SYT16: variants seen among roughly 807,000 people sequenced by gnomAD.
SYT16 encodes synaptotagmin-16.
A neutral mutation model predicts 61.4 loss-of-function variants in SYT16; 42 were observed. That is an observed-to-expected ratio of 0.68 (90% confidence interval 0.53 to 0.89). The LOEUF (loss-of-function observed/expected upper bound fraction) is 0.89. Among genes scored for constraint, SYT16 ranks in the 40% least tolerant of loss-of-function variants. The pLI, the probability that SYT16 is intolerant of heterozygous loss-of-function variation, is 0.00. For missense variants in SYT16, 804 were observed against 807.3 expected (o/e 1.00, Z 0.05); for synonymous variants, 314 against 302.3 (o/e 1.04, Z -0.40).
intron 1 of SYT16, among the ~76,000 whole-genome samples, chr14:61,864,559 TGCTGCATG>T (rs542847196): frequency 2.0e-4 from 30 of 152,352 alleles, no homozygotes; most frequent in East Asian, 1.7e-3. Context: ...GCCTACCAAG[TGCTGCATG>T]GCGAGGCACT....
chr14:61,866,194 T>G (rs138648335), intron 1 of SYT16, among the ~76,000 whole-genome samples: 3 of 152,240 alleles, frequency 2.0e-5, no homozygotes, highest in South Asian at 2.1e-4. Flanking sequence ...AGTATTTGTG[T>G]GGATACATGC....
intron 1 of SYT16, among the ~76,000 whole-genome samples, chr14:61,869,330 CT>C (rs2140301237): frequency 6.6e-6 from 1 of 151,924 alleles, no homozygotes; most frequent in South Asian, 2.1e-4. Context: ...CGTCTTTATT[CT>C]TTTTGCTTTG....
intron 1 of SYT16, among the ~76,000 whole-genome samples, chr14:61,911,359 T>C (rs1264311022): frequency 6.6e-6 from 1 of 152,218 alleles, no homozygotes; most frequent in East Asian, 1.9e-4. Context: ...GTATTTTCTG[T>C]CTAAAGTAAT....
At chr14:61,813,021 G>T (rs2045316846) in intron 1 of SYT16, among the ~76,000 whole-genome samples, 1 of 152,238 alleles carries the variant, frequency 6.6e-6, no homozygotes, top group Non-Finnish European at 1.5e-5. Flanking sequence ...AAGGGCGTGC[G>T]CCTGGCGCCG....
chr14:61,960,817 T>C (rs1345917457), intron 1 of SYT16, among the ~76,000 whole-genome samples: 1 of 152,146 alleles, frequency 6.6e-6, no homozygotes, highest in African/African-American at 2.4e-5. Context: ...GCCCATTCAG[T>C]ATGATGTTGG....
At chr14:62,100,351 T>A in intron 7 of SYT16, 43 bp from the exon 8 acceptor site, 1 of 1,490,474 alleles carries the variant, frequency 6.7e-7, no homozygotes, top group East Asian at 2.4e-5. Context: ...AGAGCACTAA[T>A]GTTTCTTATC....
chr14:61,903,309 C>G (rs1289612933), intron 1 of SYT16, among the ~76,000 whole-genome samples: 1 of 151,830 alleles, frequency 6.6e-6, no homozygotes, highest in Admixed American at 6.6e-5. Context: ...TGTGTAACCC[C>G]TGGCTATTTT....
intron 1 of SYT16, among the ~76,000 whole-genome samples, chr14:61,822,729 AT>A (rs1436924165): frequency 1.3e-5 from 2 of 152,168 alleles, no homozygotes; most frequent in Non-Finnish European, 2.9e-5. Flanking sequence ...TTTTATGCAA[AT>A]GTTACAGATT....
intron 1 of SYT16, among the ~76,000 whole-genome samples, chr14:61,857,720 T>C (rs1232828478): frequency 1.3e-5 from 2 of 152,130 alleles, no homozygotes; most frequent in South Asian, 2.1e-4. Flanking sequence ...AAATCTCTGA[T>C]GCAGGAGAGA....
At chr14:62,056,926 G>A (rs910590864) in intron 3 of SYT16, among the ~76,000 whole-genome samples, 2 of 152,164 alleles carry the variant, frequency 1.3e-5, no homozygotes, top group Non-Finnish European at 2.9e-5. Flanking sequence ...GCGAGCAGGG[G>A]GCACGGGATG....
At chr14:62,009,511 C>T (rs1250812259) in intron 3 of SYT16, among the ~76,000 whole-genome samples, 1 of 152,186 alleles carries the variant, frequency 6.6e-6, no homozygotes, top group African/African-American at 2.4e-5. Context: ...GGTTCTCAAA[C>T]TACTATCTCT....
intron 1 of SYT16, among the ~76,000 whole-genome samples, chr14:61,844,048 T>C (rs1594744852): frequency 6.6e-6 from 1 of 152,344 alleles, no homozygotes; most frequent in South Asian, 2.1e-4. Flanking sequence ...GAAATATCTT[T>C]CCATTTTTTG....
intron 3 of SYT16, among the ~76,000 whole-genome samples, chr14:62,035,427 C>T (rs1309633058): frequency 6.6e-6 from 1 of 152,034 alleles, no homozygotes; most frequent in Non-Finnish European, 1.5e-5. Context: ...GTTGAATCCA[C>T]TTAAGAGAAA....
chr14:61,979,405 T>C (rs1275247830), intron 2 of SYT16, among the ~76,000 whole-genome samples: 1 of 152,178 alleles, frequency 6.6e-6, no homozygotes, highest in African/African-American at 2.4e-5. Flanking sequence ...TGGGGCATTT[T>C]GTTGCCTTCT....
At chr14:61,988,257 A>G (rs1383235706) in intron 2 of SYT16, among the ~76,000 whole-genome samples, 1 of 152,194 alleles carries the variant, frequency 6.6e-6, no homozygotes, top group Admixed American at 6.5e-5. Context: ...AATAGAATTC[A>G]TTCTTTTTTC....
chr14:62,047,204 G>A (rs570073115), intron 3 of SYT16, among the ~76,000 whole-genome samples: 1 of 152,124 alleles, frequency 6.6e-6, no homozygotes, highest in Non-Finnish European at 1.5e-5. Context: ...CTTGCAAGTT[G>A]GATTCCTAAG....
rs1258207371 is a variant in SYT16 at position 61,827,493 on chromosome 14, C to T, written c.-325+14683C>T. ...TTTTACCTTAAAAAAATACTTTTCT[C>T]TAAGAAATCTGAGGTGCAGCAATAG... On this transcript the variant is annotated intron_variant, in intron 1 of 7. Coordinates refer to ENST00000683842, the MANE Select transcript of SYT16 (RefSeq NM_001367656.1). Among the ~76,000 whole-genome samples the T allele has an allele frequency of 6.0e-5, 9 of 150,220 alleles. No homozygotes were observed. The East Asian group carries it at 1.5e-3, about 26-fold the overall frequency.
intron 2 of SYT16, among the ~76,000 whole-genome samples, chr14:61,987,750 T>TC (rs2052378766): frequency 6.6e-6 from 1 of 151,776 alleles, no homozygotes; most frequent in African/African-American, 2.4e-5. Context: ...TTTCCTTTTT[T>TC]TTTTTTTTAC....
intron 3 of SYT16, among the ~76,000 whole-genome samples, chr14:62,005,717 C>A (rs1203727753): frequency 6.6e-6 from 1 of 152,096 alleles, no homozygotes; most frequent in East Asian, 1.9e-4. Context: ...TATACTATGG[C>A]CCCTTTTAAC....
Sources: allele counts gnomAD v4.1 joint callset (sites outside exome capture counted in the v4.1 genomes callset), GRCh38; gene constraint gnomAD v4.1.1; transcripts MANE v1.5; gene names NCBI Gene and HGNC (gene_info 2026-07-23, HGNC 2026-07-21).